Variants in PSMD1 observed in about 807,000 individuals in gnomAD.
The protein encoded by PSMD1 is proteasome 26S subunit, non-ATPase 1.
Under a neutral mutation model 119.0 loss-of-function variants are expected in PSMD1, and 18 were observed. The observed-to-expected ratio is 0.15, with a 90% CI of 0.10 to 0.22. PSMD1 has a LOEUF of 0.22. Among genes scored for constraint, PSMD1 ranks in the 10% least tolerant of loss-of-function variants. The pLI is 1.00. For missense variants in PSMD1, 702 were observed against 1,158.5 expected (o/e 0.61, Z 5.72); for synonymous variants, 374 against 396.6 (o/e 0.94, Z 0.68).
At chr2:231,069,040 T>C (rs1294441540) in intron 5 of PSMD1, among the ~76,000 whole-genome samples, 1 of 152,208 alleles carries the variant, frequency 6.6e-6, no homozygotes, top group African/African-American at 2.4e-5. Context: ...TGCTGGAACA[T>C]AGTCCTCTCA....
chr2:231,148,388 A>C (rs1469590782), intron 18 of PSMD1, among the ~76,000 whole-genome samples: 1 of 152,166 alleles, frequency 6.6e-6, no homozygotes, highest in Non-Finnish European at 1.5e-5. Flanking sequence ...CTGCTGTAGG[A>C]TTTCATTGAT....
chr2:231,134,094 ATACT>A (rs1695915889), intron 16 of PSMD1, among the ~76,000 whole-genome samples: 1 of 152,244 alleles, frequency 6.6e-6, no homozygotes. Context: ...ATTGAATTAC[ATACT>A]TAGGATTAAA....
intron 12 of PSMD1, among the ~76,000 whole-genome samples, chr2:231,081,692 G>A (rs1368574095): frequency 6.6e-6 from 1 of 152,198 alleles, no homozygotes; most frequent in Non-Finnish European, 1.5e-5. Flanking sequence ...ATTACCAAAG[G>A]AATGTTGGGA....
At chr2:231,137,587 G>A (rs926585621) in intron 16 of PSMD1, among the ~76,000 whole-genome samples, 1 of 151,944 alleles carries the variant, frequency 6.6e-6, no homozygotes, top group Middle Eastern at 3.2e-3. Context: ...TACATGTGCA[G>A]GTTTGTTATG....
In PSMD1 at chr2:231,080,281, T is replaced by C; in HGVS notation, c.1380T>C (p.Tyr460=). ...ATCATGGTGGTGATATAATTGACTA[T>C]CTGCTTAATCAGCTTAAGAACGCCA... The part of the protein sequence containing the change: ...HANHGGDIID[Y]LLNQLKNASN... Residue 460 remains tyrosine (Y), a synonymous_variant, in exon 12 of 25, where the codon TAT becomes TAC. Coordinates refer to ENST00000308696, the MANE Select transcript of PSMD1 (RefSeq NM_002807.4). The C allele has an allele frequency of 6.2e-7, 1 of 1,611,784 alleles. No homozygotes were observed. The highest frequency in any genetic ancestry group is 1.3e-5 in the African/African-American group (1 of 74,972).
At position 231,108,632 on chromosome 2, in the gene PSMD1, C is replaced by T. The variant is rs1695039552; in HGVS notation, c.1883+21451C>T. ...GGTTGAACTTCGGAGCCTCATTGGA[C>T]TCTGGTACATGGCAGGGTTAATCCC... On this transcript the variant is annotated intron_variant, in intron 16 of 24. Coordinates refer to ENST00000308696, the MANE Select transcript of PSMD1 (RefSeq NM_002807.4). The T allele has an allele frequency of 2.5e-6, 4 of 1,613,896 alleles. No individual in the cohort carries two copies. In the African/African-American group the frequency reaches 4.0e-5, roughly 16 times the overall value.
rs747918136 is a variant in PSMD1, at chr2:231,080,268, A to G, written c.1367A>G (p.Asp456Gly). 3.1e-6 allele frequency: 5 copies of G among 1,612,926 alleles called. No homozygotes were observed. In the South Asian group the frequency reaches 5.5e-5, roughly 18 times the overall value. Residue 456 changes from aspartate (D) to glycine (G), a missense_variant, in exon 12 of 25, where the codon GAT becomes GGT. Around this residue, in one of 9 missense-constraint regions of PSMD1, gnomAD observed 272 missense variants for 511.6 expected, o/e 0.53. Transcript: ENST00000308696. ...LGLIHANHGGDIIDYLLNQLK... is the reference protein window; with the variant it reads ...LGLIHANHGGGIIDYLLNQLK... ...CTTATTCATGCCAATCATGGTGGTG[A>G]TATAATTGACTATCTGCTTAATCAG... is the stretch of plus-strand genomic sequence containing the variant.
At chr2:231,098,726 G>A (rs986160319) in intron 16 of PSMD1, among the ~76,000 whole-genome samples, 2 of 152,070 alleles carry the variant, frequency 1.3e-5, no homozygotes, top group Admixed American at 1.3e-4. Context: ...ACATTAACTC[G>A]ACCCAAGTAT....
chr2:231,141,384 A>G (rs1396941922), intron 17 of PSMD1, among the ~76,000 whole-genome samples: 1 of 149,732 alleles, frequency 6.7e-6, no homozygotes. Flanking sequence ...CCTCCTTTCC[A>G]GTATTTCATC....
intron 16 of PSMD1, among the ~76,000 whole-genome samples, chr2:231,120,633 ATC>A (rs1265052555): frequency 1.3e-5 from 2 of 152,240 alleles, no homozygotes; most frequent in Non-Finnish European, 2.9e-5. Context: ...TGAATAAAAT[ATC>A]TCTCAGTATA....
At chr2:231,066,339 T>C (rs1693910597) in intron 4 of PSMD1, among the ~76,000 whole-genome samples, 1 of 152,244 alleles carries the variant, frequency 6.6e-6, no homozygotes, top group African/African-American at 2.4e-5. Context: ...CTCAGGTTGC[T>C]AATAGTTTCA....
intron 19 of PSMD1, among the ~76,000 whole-genome samples, chr2:231,160,081 G>C (rs1696600813): frequency 6.6e-6 from 1 of 152,164 alleles, no homozygotes; most frequent in Admixed American, 6.5e-5. Context: ...GGGACCCCTG[G>C]TTCCAGGCCA....
chr2:231,075,369 G>T, intron 7 of PSMD1, 142 bp from the exon 8 acceptor site: 1 of 642,726 alleles, frequency 1.6e-6, no homozygotes. Flanking sequence ...TTAGAGATGT[G>T]TAGAATTTTT....
intron 4 of PSMD1, among the ~76,000 whole-genome samples, chr2:231,064,575 G>C (rs920910561): frequency 1.3e-5 from 2 of 152,148 alleles, no homozygotes; most frequent in Non-Finnish European, 2.9e-5. Context: ...GCTACAGTTG[G>C]TTCAAAAAGC....
chr2:231,078,097 G>A (rs565139491), intron 9 of PSMD1, among the ~76,000 whole-genome samples: 21 of 152,256 alleles, frequency 1.4e-4, no homozygotes, highest in African/African-American at 4.3e-4. Flanking sequence ...GTGAAACCCC[G>A]TCTCTACTTA....
chr2:231,137,597 G>A (rs1696005309), intron 16 of PSMD1, among the ~76,000 whole-genome samples: 1 of 151,940 alleles, frequency 6.6e-6, no homozygotes, highest in Non-Finnish European at 1.5e-5. Context: ...GGTTTGTTAT[G>A]TGTGTATATA....
At chr2:231,163,857 A>G in intron 21 of PSMD1, 130 bp downstream of exon 21, 1 of 688,452 alleles carries the variant, frequency 1.5e-6, no homozygotes, top group Admixed American at 3.0e-5. Context: ...ACATTACACA[A>G]GAATATGAAG....
In PSMD1 at chr2:231,098,555, TTCTCTC is replaced by T. The variant is rs145547548; in HGVS notation, c.1883+11391_1883+11396del. Reference sequence around the variant, plus strand: ...TCTCTGCCTCTCTTTCCCCTTTCTCTTCTCTCTCTCTCTCTCTCTCTCCCCTCTCTG... The same window carrying T: ...TCTCTGCCTCTCTTTCCCCTTTCTCTTCTCTCTCTCTCTCTCCCCTCTCTG... On this transcript the variant is annotated intron_variant, in intron 16 of 24. Coordinates refer to ENST00000308696, the MANE Select transcript of PSMD1 (RefSeq NM_002807.4). Among the ~76,000 whole-genome samples the T allele has an allele frequency of 5.1e-4, 75 of 147,828 alleles. 1 individual carries two copies. The highest frequency in any genetic ancestry group is 1.6e-3 in the African/African-American group (66 of 40,352).
At chr2:231,083,068 A>G (rs1272972367) in intron 13 of PSMD1, 74 bp downstream of exon 13, 4 of 1,133,454 alleles carry the variant, frequency 3.5e-6, no homozygotes, top group East Asian at 2.6e-5. Context: ...GTTTCTACCT[A>G]TATTTTGTAG....
Sources: gnomAD v4.1 joint callset for allele counts (sites outside exome capture counted in the v4.1 genomes callset) on GRCh38, gnomAD v4.1.1 for gene constraint, gnomAD v4.1.1 regional missense constraint, MANE v1.5 for transcripts, NCBI Gene and HGNC (gene_info 2026-07-23, HGNC 2026-07-21) for gene names.